Variants in AP5Z1 observed in about 807,000 individuals in gnomAD.
AP5Z1 encodes the protein adaptor related protein complex 5 subunit zeta 1.
Under a neutral mutation model 83.0 loss-of-function variants are expected in AP5Z1, and 106 were observed. The ratio of observed to expected loss-of-function variants is 1.28; its 90% CI spans 1.09 to 1.50. The LOEUF (loss-of-function observed/expected upper bound fraction) is 1.50. Ranked by LOEUF, AP5Z1 falls within the 40% of genes most tolerant of loss-of-function variation. AP5Z1 has a pLI of 0.00. For missense variants in AP5Z1, 1,565 were observed against 1,094.2 expected (o/e 1.43, Z -6.07); for synonymous variants, 751 against 514.1 (o/e 1.46, Z -6.23).
Position 4,783,442 on chromosome 7 carries a change from C to G in AP5Z1, c.493C>G (p.Pro165Ala), listed in dbSNP as rs1347244840. 1 of 1,612,706 alleles carries G rather than the reference C, an allele frequency of 6.2e-7. No homozygotes were observed. The highest frequency in any genetic ancestry group is 8.5e-7 in the Non-Finnish European group (1 of 1,179,702). Reference protein sequence around the residue: ...PVMAKVVVLSPGTLQEDQATL... With the variant: ...PVMAKVVVLSAGTLQEDQATL... ...CATGGCCAAGGTCGTGGTCCTCAGC[C>G]CGGGCACCCTCCAGGAGGGTACGCG... Residue 165 changes from proline (P) to alanine (A), a missense_variant, in exon 4 of 17, where the codon CCG becomes GCG. Transcript: ENST00000649063.
At chr7:4,789,159 C>G (rs1259067039) in intron 13 of AP5Z1, 2 of 534,370 alleles carry the variant, frequency 3.7e-6, no homozygotes, top group Non-Finnish European at 6.7e-6. Context: ...CCAGCAGGCC[C>G]CGTTCCCCAG....
intron 2 of AP5Z1, 29 bp from the exon 3 acceptor site, chr7:4,781,539 C>T: frequency 4.4e-6 from 7 of 1,597,292 alleles, no homozygotes; most frequent in Non-Finnish European, 6.0e-6. Flanking sequence ...TGACGTGTTA[C>T]CGCCCACCAC....
At chr7:4,790,083 C>G (rs1781707019) in intron 14 of AP5Z1, 154 bp downstream of exon 14, 1 of 1,280,942 alleles carries the variant, frequency 7.8e-7, no homozygotes, top group African/African-American at 1.6e-5. Context: ...CACAGCCCCA[C>G]ACCCAGCCCC....
chr7:4,788,193 C>G lies in AP5Z1; in HGVS notation c.1494C>G (p.Thr498=), dbSNP rs1341529899. Residue 498 remains threonine (T), a synonymous_variant, in exon 12 of 17, where the codon ACC becomes ACG. Coordinates refer to ENST00000649063, the MANE Select transcript of AP5Z1 (RefSeq NM_014855.3). The part of the protein sequence containing the change: ...PAASERPLWD[T]SLRAPSCLEA... ...CATCCGAGAGGCCACTCTGGGACAC[C>G]TCTCTCAGGGCCCCCAGCTGCCTGG... 1.9e-6 allele frequency: 3 copies of G among 1,560,638 alleles called. No individual in the cohort carries two copies. The highest frequency in any genetic ancestry group is 2.6e-6 in the Non-Finnish European group (3 of 1,153,448).
intron 11 of AP5Z1, 113 bp downstream of exon 11, chr7:4,787,889 C>T (rs1039383046): frequency 8.3e-6 from 11 of 1,328,032 alleles, no homozygotes; most frequent in Admixed American, 4.9e-5. Context: ...TTCTTCCCCC[C>T]CCAACACCTG....
chr7:4,792,399 A>G lies in AP5Z1; in HGVS notation c.*1014A>G, dbSNP rs1344393712. 3 of 22,148 alleles carry G rather than the reference A, an allele frequency of 1.4e-4. No individual in the cohort carries two copies. The highest frequency in any genetic ancestry group is 5.9e-4 in the Admixed American group (1 of 1,686). 1.4% of individuals were successfully genotyped at this position (22,148 alleles called of 1,614,324 possible). ...GCCTCGGCCCCGCCCCCAATCCCCCATAGCTCTGCGACTAAGAAACCACAG... is the reference window on the plus strand; with the variant it reads ...GCCTCGGCCCCGCCCCCAATCCCCCGTAGCTCTGCGACTAAGAAACCACAG... On this transcript the variant is annotated 3_prime_UTR_variant, in exon 17 of 17. Coordinates refer to ENST00000649063, the MANE Select transcript of AP5Z1 (RefSeq NM_014855.3).
intron 13 of AP5Z1, 83 bp from the exon 14 acceptor site, chr7:4,789,749 C>T (rs989396031): frequency 1.1e-5 from 12 of 1,075,910 alleles, no homozygotes; most frequent in Admixed American, 1.1e-4. Flanking sequence ...ACCTGCCCCC[C>T]AGCCCTCACC....
In AP5Z1 at chr7:4,793,217, G is replaced by C. The variant is rs1024774589; in HGVS notation, c.*1832G>C. 2 of 152,316 alleles carry C rather than the reference G, an allele frequency of 1.3e-5. No individual in the cohort carries two copies. The highest frequency in any genetic ancestry group is 4.8e-5 in the African/African-American group (2 of 41,482). 9.4% of individuals were successfully genotyped at this position (152,316 alleles called of 1,614,324 possible). On this transcript the variant is annotated 3_prime_UTR_variant, in exon 17 of 17. Coordinates refer to ENST00000649063, the MANE Select transcript of AP5Z1 (RefSeq NM_014855.3). ...GGAGCAACCTTCAGGTGGCCTCCAG[G>C]AGGCAGCTGGGAAAAGGGCAAAGCT...
intron 1 of AP5Z1, 44 bp from the exon 2 acceptor site, chr7:4,781,127 TCCGA>T: frequency 6.3e-7 from 1 of 1,593,500 alleles, no homozygotes; most frequent in Admixed American, 1.7e-5. Flanking sequence ...TTTTTTTGGT[TCCGA>T]GCAGCGAGTG....
In AP5Z1 at chr7:4,793,354, G is replaced by C. The variant is rs1781846945; in HGVS notation, c.*1969G>C. On this transcript the variant is annotated 3_prime_UTR_variant, in exon 17 of 17. Coordinates refer to ENST00000649063, the MANE Select transcript of AP5Z1 (RefSeq NM_014855.3). ...ATTATATGCTAAGTGAAAGTGAGAAGTGACAGCCTGCTGGCAGTCCTCACA... is the reference window on the plus strand; with the variant it reads ...ATTATATGCTAAGTGAAAGTGAGAACTGACAGCCTGCTGGCAGTCCTCACA... The C allele has an allele frequency of 6.6e-6, 1 of 152,326 alleles. No individual in the cohort carries two copies. Among genetic ancestry groups the C allele is most frequent in the Non-Finnish European group, 1.5e-5 (1 of 68,084 alleles). The allele number at this position is 152,326 out of a possible 1,614,324, so 9.4% of individuals were successfully genotyped here. A position where few individuals can be genotyped will look rare whatever the true frequency, so the allele number is the denominator to read the frequency against.
chr7:4,791,118 C>T lies in AP5Z1; in HGVS notation c.2157C>T (p.Ala719=), dbSNP rs371615713. 2.5e-6 allele frequency: 4 copies of T among 1,589,686 alleles called. No individual in the cohort carries two copies. Among genetic ancestry groups the T allele is most frequent in the African/African-American group, 1.3e-5 (1 of 74,434 alleles). The part of the protein sequence containing the change: ...ASRSQDLIPR[A]SLLLSKMRTL... ...CGGAGGGACCTTCTTTCCCCAGGGCCTCTTTATTGCTGTCAAAGATGAGGA... is the reference window on the plus strand; with the variant it reads ...CGGAGGGACCTTCTTTCCCCAGGGCTTCTTTATTGCTGTCAAAGATGAGGA... Residue 719 remains alanine, a synonymous_variant, in exon 17 of 17, where the codon GCC becomes GCT. Coordinates refer to ENST00000649063, the MANE Select transcript of AP5Z1 (RefSeq NM_014855.3).
chr7:4,791,277 G>A lies in AP5Z1; in HGVS notation c.2316G>A (p.Thr772=), dbSNP rs779545615. 17 of 1,612,550 alleles carry A rather than the reference G, an allele frequency of 1.1e-5. No homozygotes were observed. Among genetic ancestry groups the A allele is most frequent in the African/African-American group, 4.0e-5 (3 of 74,948 alleles). The change falls in exon 17 of 17, where the codon ACG becomes ACA. Residue 772 remains threonine (T), a synonymous_variant. Coordinates refer to ENST00000649063, the MANE Select transcript of AP5Z1 (RefSeq NM_014855.3). ...SVAQFVLTPS[T]EVCSPRYHRD... is the part of the protein sequence containing the mutation. Reference sequence around the variant, plus strand: ...CCCAGTTTGTGCTCACACCCAGCACGGAGGTGTGCAGCCCCCGCTATCACC... The same window carrying A: ...CCCAGTTTGTGCTCACACCCAGCACAGAGGTGTGCAGCCCCCGCTATCACC...
intron 12 of AP5Z1, 73 bp downstream of exon 12, chr7:4,788,367 C>G: frequency 5.4e-6 from 8 of 1,477,896 alleles, no homozygotes; most frequent in Middle Eastern, 4.9e-4. Flanking sequence ...GTGGGGCTCA[C>G]TGCTCAGCCC....
chr7:4,785,779 T>C (rs1781525202), intron 9 of AP5Z1, 95 bp downstream of exon 9: 2 of 1,326,846 alleles, frequency 1.5e-6, no homozygotes, highest in Middle Eastern at 2.8e-4. Context: ...TTTTTTTTTT[T>C]TGATTGAATA....
At position 4,793,424 on chromosome 7, in the gene AP5Z1, T is replaced by C. The variant is rs949547351; in HGVS notation, c.*2039T>C. On this transcript the variant is annotated 3_prime_UTR_variant, in exon 17 of 17. Transcript: ENST00000649063. ...GCCTCCTCTGCCTGGGCTCCCACTT[T>C]GGCAGCACTTGAGGAGCCCTTCAGC... is the stretch of plus-strand genomic sequence containing the variant. 2.0e-5 allele frequency: 3 copies of C among 152,506 alleles called. No homozygotes were observed. Among genetic ancestry groups the C allele is most frequent in the Non-Finnish European group, 2.9e-5 (2 of 68,238 alleles). The allele number at this position is 152,506 out of a possible 1,614,324, so 9.4% of individuals were successfully genotyped here. A position where few individuals can be genotyped will look rare whatever the true frequency, so the allele number is the denominator to read the frequency against.
Position 4,786,325 on chromosome 7 carries a change from G to T in AP5Z1, c.1208G>T (p.Ser403Ile). The change falls in exon 10 of 17, where the codon AGC (serine) becomes ATC (isoleucine). Residue 403 changes from serine (S) to isoleucine (I), a missense_variant. By Grantham distance (142) the Ser-to-Ile change is moderately radical. Coordinates refer to ENST00000649063, the MANE Select transcript of AP5Z1 (RefSeq NM_014855.3). ...AGGATCCCGGTGGAGCAGTTCCACAGCCCCATGCTGGCCTTTGAATTCATC... is the reference window on the plus strand; with the variant it reads ...AGGATCCCGGTGGAGCAGTTCCACATCCCCATGCTGGCCTTTGAATTCATC... ...FTRIPVEQFH[S>I]PMLAFEFIQF... 1 of 1,613,918 alleles carries T rather than the reference G, an allele frequency of 6.2e-7. No individual in the cohort carries two copies. The highest frequency in any genetic ancestry group is 1.3e-5 in the African/African-American group (1 of 75,060).
At chr7:4,779,347 A>G (rs1481921154) in intron 1 of AP5Z1, among the ~76,000 whole-genome samples, 1 of 144,024 alleles carries the variant, frequency 6.9e-6, no homozygotes, top group Non-Finnish European at 1.5e-5. Flanking sequence ...TATAACATAT[A>G]ACATGTTATA....
intron 11 of AP5Z1, among the ~76,000 whole-genome samples, 186 bp from the exon 12 acceptor site, chr7:4,787,968 G>T (rs1781608112): frequency 6.6e-6 from 1 of 152,060 alleles, no homozygotes; most frequent in Non-Finnish European, 1.5e-5. Context: ...CTTGCCAAGG[G>T]CAGCCCCTGC....
rs1407820356 is a variant in AP5Z1 at position 4,790,797 on chromosome 7, CTGCCCTGCCCAGGTGT to C, written c.2064_2079del (p.Ala689ProfsTer8). 3 of 1,609,270 alleles carry C rather than the reference CTGCCCTGCCCAGGTGT, an allele frequency of 1.9e-6. No individual in the cohort carries two copies. Among genetic ancestry groups the C allele is most frequent in the Non-Finnish European group, 2.5e-6 (3 of 1,178,880 alleles). On this transcript the variant is annotated frameshift_variant, in exon 16 of 17. Transcript: ENST00000649063. LOFTEE classifies it high-confidence loss of function. Reference sequence around the variant, plus strand: ...GAGGTCACCCAGTGCCGCCCCTCTGCTGCCCTGCCCAGGTGTCCCCCCCAGGTGGTCACCGTGCTGA... The same window carrying C: ...GAGGTCACCCAGTGCCGCCCCTCTGCCCCCCCCAGGTGGTCACCGTGCTGA...
Sources: allele counts gnomAD v4.1 joint callset (sites outside exome capture counted in the v4.1 genomes callset), GRCh38; gene constraint gnomAD v4.1.1; transcripts MANE v1.5; gene names NCBI Gene and HGNC (gene_info 2026-07-23, HGNC 2026-07-21).